HDAC9: variants seen among roughly 807,000 people sequenced by gnomAD.
The protein encoded by HDAC9 is histone deacetylase 9, also known as MEF-2 interacting transcription repressor (MITR) protein.
Under a neutral mutation model 139.4 loss-of-function variants are expected in HDAC9, and 41 were observed. The observed-to-expected ratio is 0.29, with a 90% CI of 0.23 to 0.38. The LOEUF (loss-of-function observed/expected upper bound fraction) is 0.38, where lower values mean the gene tolerates loss of function less well. Among genes scored for constraint, HDAC9 ranks in the 10% least tolerant of loss-of-function variants. The pLI, the probability that HDAC9 is intolerant of heterozygous loss-of-function variation, is 1.00. For synonymous variants in HDAC9, 517 were observed against 476.2 expected (o/e 1.09, Z -1.12); for missense variants, 1,147 against 1,297.0 (o/e 0.88, Z 1.78).
intron 1 of HDAC9, among the ~76,000 whole-genome samples, chr7:18,142,534 A>G (rs888083121): frequency 2.0e-5 from 3 of 152,220 alleles, no homozygotes; most frequent in African/African-American, 7.2e-5. Context: ...ACGTCACCAC[A>G]TGGAACTTTG....
At chr7:18,470,640 C>G (rs895681481) in intron 1 of HDAC9, among the ~76,000 whole-genome samples, 1 of 152,112 alleles carries the variant, frequency 6.6e-6, no homozygotes, top group Non-Finnish European at 1.5e-5. Flanking sequence ...AAGGATTTCT[C>G]TGCTTTTTAG....
rs1035762405 is a variant in HDAC9, at chr7:18,993,172, A to C, written c.3171-2851A>C. Among the ~76,000 whole-genome samples, 102 of 152,244 alleles carry C rather than the reference A, an allele frequency of 6.7e-4. 1 individual carries two copies. Among genetic ancestry groups the C allele is most frequent in the Admixed American group, 3.3e-4 (5 of 15,290 alleles). On this transcript the variant is annotated intron_variant, in intron 25 of 25. Coordinates refer to ENST00000686413, the MANE Select transcript of HDAC9 (RefSeq NM_178425.4). ...ATTATATGAAGATAATGCCACCTCT[A>C]CTGAGAGCTAGGGCTATGAGAAGAG... is the stretch of plus-strand genomic sequence containing the variant.
chr7:18,237,724 T>C (rs1421613247), intron 2 of HDAC9, among the ~76,000 whole-genome samples: 3 of 152,196 alleles, frequency 2.0e-5, no homozygotes, highest in Non-Finnish European at 4.4e-5. Flanking sequence ...TTTAGACAAT[T>C]GCAATGAATT....
intron 8 of HDAC9, among the ~76,000 whole-genome samples, chr7:18,636,022 G>C (rs899617692): frequency 7.9e-5 from 12 of 152,074 alleles, no homozygotes; most frequent in Non-Finnish European, 1.3e-4. Context: ...AATATAATAA[G>C]TGAAGGCAGA....
At chr7:18,369,392 C>A (rs576320038) in intron 1 of HDAC9, among the ~76,000 whole-genome samples, 1 of 152,154 alleles carries the variant, frequency 6.6e-6, no homozygotes, top group Non-Finnish European at 1.5e-5. Flanking sequence ...TTACCATGTT[C>A]TCTGAAAGTG....
intron 22 of HDAC9, among the ~76,000 whole-genome samples, chr7:18,891,281 T>C (rs1463660922): frequency 6.6e-6 from 1 of 152,212 alleles, no homozygotes; most frequent in Non-Finnish European, 1.5e-5. Context: ...GAGGGAATCA[T>C]TTATGAAATG....
Position 18,434,070 on chromosome 7 carries a change from T to C in HDAC9, c.-41-62192T>C, listed in dbSNP as rs369438676. On this transcript the variant is annotated intron_variant, in intron 1 of 3. Transcript: ENST00000413509. ...TGGTACTGGTACAAAAACAGACACA[T>C]AGACCAACAGAACAGAATAGAGAAC... Among the ~76,000 whole-genome samples, 43 of 152,246 alleles carry C rather than the reference T, an allele frequency of 2.8e-4. No individual in the cohort carries two copies. In the South Asian group the frequency reaches 8.7e-3, roughly 31 times the overall value.
At chr7:18,847,482 T>A (rs1407997795) in intron 21 of HDAC9, among the ~76,000 whole-genome samples, 1 of 152,168 alleles carries the variant, frequency 6.6e-6, no homozygotes, top group Non-Finnish European at 1.5e-5. Context: ...GATTCTGTAA[T>A]AAGGAGGATT....
rs1585926843 is a variant in HDAC9 at position 18,441,516 on chromosome 7, T to TG, written c.-41-54745dup. ...TTTTTCTATATAGTGGTACAACACT[T>TG]GCTTGGAAATAACATGAAGTGATTT... On this transcript the variant is annotated intron_variant, in intron 1 of 3. Coordinates refer to the HDAC9 transcript ENST00000413509. 2.0e-5 allele frequency among the ~76,000 whole-genome samples: 3 copies of TG among 152,318 alleles called. No homozygotes were observed. The East Asian group carries it at 5.8e-4, about 29-fold the overall frequency.
intron 21 of HDAC9, among the ~76,000 whole-genome samples, chr7:18,850,361 A>G (rs1046494881): frequency 6.6e-6 from 1 of 152,246 alleles, no homozygotes; most frequent in Non-Finnish European, 1.5e-5. Context: ...AGACCCTTGT[A>G]CTTCTTGTTC....
At chr7:18,514,390 T>C (rs1368548921) in intron 2 of HDAC9, among the ~76,000 whole-genome samples, 1 of 152,254 alleles carries the variant, frequency 6.6e-6, no homozygotes, top group Admixed American at 6.5e-5. Context: ...TTCATGTTTT[T>C]CTTCCAATCT....
intron 2 of HDAC9, among the ~76,000 whole-genome samples, chr7:18,547,431 T>G (rs773698699): frequency 2.0e-5 from 3 of 152,164 alleles, no homozygotes; most frequent in Non-Finnish European, 2.9e-5. Context: ...GAGACGGGGT[T>G]TCACCATGTT....
At chr7:18,137,238 T>G in intron 1 of HDAC9, among the ~76,000 whole-genome samples, 3 of 104,544 alleles carry the variant, frequency 2.9e-5, no homozygotes, top group African/African-American at 4.7e-5. Context: ...TATACAATCA[T>G]GTCATCTGCA....
At chr7:18,762,034 A>C in intron 14 of HDAC9, 123 bp from the exon 15 acceptor site, 1 of 1,017,268 alleles carries the variant, frequency 9.8e-7, no homozygotes, top group Non-Finnish European at 1.5e-6. Flanking sequence ...TAAGCAAATC[A>C]GTGTCACATT....
At chr7:18,526,405 A>G (rs572865833) in intron 2 of HDAC9, among the ~76,000 whole-genome samples, 1 of 152,340 alleles carries the variant, frequency 6.6e-6, no homozygotes, top group South Asian at 2.1e-4. Flanking sequence ...TTTATGAGCA[A>G]TGGAAACTTT....
rs1443066396 is a variant in HDAC9 at position 18,710,156 on chromosome 7, T to G, written c.1732-17424T>G. Among the ~76,000 whole-genome samples the G allele has an allele frequency of 2.0e-5, 3 of 152,126 alleles. No homozygotes were observed. In the South Asian group the frequency reaches 6.2e-4, roughly 32 times the overall value. ...TAAAACCATCAGATCTCATGAGACT[T>G]ATTCACTATCATGAGAACAGCATGG... is the stretch of plus-strand genomic sequence containing the variant. On this transcript the variant is annotated intron_variant, in intron 12 of 25. Coordinates refer to ENST00000686413, the MANE Select transcript of HDAC9 (RefSeq NM_178425.4).
At chr7:18,856,866 T>A (rs769548517) in intron 21 of HDAC9, among the ~76,000 whole-genome samples, 18 of 152,200 alleles carry the variant, frequency 1.2e-4, no homozygotes, top group Non-Finnish European at 2.4e-4. Context: ...CATTACTGTC[T>A]TTCCCTGAAG....
In HDAC9 at chr7:18,425,346, A is replaced by G. The variant is rs369142970; in HGVS notation, c.-41-70916A>G. ...AATGACACTGTTTTCATAGTTGAAT[A>G]AGAAATAAGACTATTCAACAAGTAC... On this transcript the variant is annotated intron_variant, in intron 1 of 3. Transcript: ENST00000413509. Among the ~76,000 whole-genome samples, 12 of 152,366 alleles carry G rather than the reference A, an allele frequency of 7.9e-5. No homozygotes were observed. The East Asian group carries it at 1.9e-3, about 24-fold the overall frequency.
chr7:18,493,936 A>C (rs539853659), upstream of HDAC9, among the ~76,000 whole-genome samples: 165 of 152,102 alleles, frequency 1.1e-3, 1 homozygote, highest in Non-Finnish European at 1.9e-3. Context: ...ACTACAATTG[A>C]CTATCTCTAA....
Sources: gnomAD v4.1 joint callset for allele counts (sites outside exome capture counted in the v4.1 genomes callset) on GRCh38, gnomAD v4.1.1 for gene constraint, MANE v1.5 for transcripts, NCBI Gene and HGNC (gene_info 2026-07-23, HGNC 2026-07-21) for gene names.